ERBB4: variants seen among roughly 807,000 people sequenced by gnomAD.
The protein encoded by ERBB4 is erb-b2 receptor tyrosine kinase 4.
Under a neutral mutation model 158.0 loss-of-function variants are expected in ERBB4, and 42 were observed. The observed-to-expected ratio is 0.27, with a 90% CI of 0.21 to 0.34. ERBB4 has a LOEUF of 0.34. ERBB4 is among the 10% of genes least tolerant of loss of function. ERBB4 has a pLI of 1.00. For synonymous variants in ERBB4, 583 were observed against 558.7 expected, an observed-to-expected ratio of 1.04 and a Z score of -0.61; for missense variants, 1,333 against 1,624.1, an observed-to-expected ratio of 0.82 and a Z score of 3.08.
intron 3 of ERBB4, among the ~76,000 whole-genome samples, chr2:211,864,023 C>T (rs2078138763): frequency 6.6e-6 from 1 of 152,138 alleles, no homozygotes; most frequent in Non-Finnish European, 1.5e-5. Context: ...TCCAGTCCTG[C>T]TGGCAGTAGC....
At chr2:212,012,267 A>G (rs1288525206) in intron 2 of ERBB4, among the ~76,000 whole-genome samples, 1 of 152,152 alleles carries the variant, frequency 6.6e-6, no homozygotes, top group Non-Finnish European at 1.5e-5. Flanking sequence ...TCCCTCAAAC[A>G]TGGAATCAGC....
intron 1 of ERBB4, among the ~76,000 whole-genome samples, chr2:212,526,973 G>A (rs889217921): frequency 1.2e-4 from 19 of 152,088 alleles, no homozygotes; most frequent in African/African-American, 4.3e-4. Context: ...AACTTAGCCT[G>A]AGGGTAAAAG....
chr2:211,866,316 A>G (rs1417206825), intron 3 of ERBB4, among the ~76,000 whole-genome samples: 1 of 151,964 alleles, frequency 6.6e-6, no homozygotes, highest in Non-Finnish European at 1.5e-5. Flanking sequence ...CTCTGAACTT[A>G]TGTCCTATCA....
intron 26 of ERBB4, 147 bp downstream of exon 26, chr2:211,387,798 T>C: frequency 1.4e-6 from 1 of 720,292 alleles, no homozygotes; most frequent in Non-Finnish European, 2.6e-6. Context: ...AAAACACATC[T>C]ACAAAGGCAG....
intron 20 of ERBB4, among the ~76,000 whole-genome samples, chr2:211,502,422 T>C (rs1039458983): frequency 6.6e-6 from 1 of 152,184 alleles, no homozygotes; most frequent in African/African-American, 2.4e-5. Context: ...TATTGATTAC[T>C]CTTAACTTCA....
intron 2 of ERBB4, among the ~76,000 whole-genome samples, chr2:212,099,457 T>C (rs1370601511): frequency 6.6e-6 from 1 of 152,204 alleles, no homozygotes; most frequent in Non-Finnish European, 1.5e-5. Context: ...ACAGCTACAG[T>C]ACATTGTGAT....
intron 20 of ERBB4, among the ~76,000 whole-genome samples, chr2:211,473,217 A>C (rs2064873929): frequency 6.6e-6 from 1 of 152,010 alleles, no homozygotes; most frequent in African/African-American, 2.4e-5. Context: ...AGAGGCAAAG[A>C]TCAGATTAAT....
chr2:212,447,843 A>G (rs2092385773), intron 1 of ERBB4, among the ~76,000 whole-genome samples: 1 of 150,980 alleles, frequency 6.6e-6, no homozygotes, highest in Admixed American at 6.6e-5. Context: ...TTTCTTCAAC[A>G]TTGGTCTTCA....
intron 3 of ERBB4, among the ~76,000 whole-genome samples, chr2:211,930,020 A>G (rs1481421567): frequency 2.0e-5 from 3 of 152,170 alleles, no homozygotes; most frequent in Non-Finnish European, 4.4e-5. Context: ...GAAACTTTGA[A>G]ATAGGTATGA....
intron 3 of ERBB4, among the ~76,000 whole-genome samples, chr2:211,796,896 G>T (rs2076394275): frequency 6.6e-6 from 1 of 151,846 alleles, no homozygotes; most frequent in Non-Finnish European, 1.5e-5. Flanking sequence ...ATTGTTAAGA[G>T]ATCTGGTTCA....
intron 1 of ERBB4, among the ~76,000 whole-genome samples, chr2:212,420,242 A>C (rs560873760): frequency 1.1e-4 from 16 of 152,204 alleles, no homozygotes; most frequent in Non-Finnish European, 1.8e-4. Flanking sequence ...AAACTGTTCC[A>C]AGAAGTAAAT....
At chr2:212,150,711 G>A (rs533751615) in intron 1 of ERBB4, among the ~76,000 whole-genome samples, 22 of 152,208 alleles carry the variant, frequency 1.4e-4, no homozygotes, top group African/African-American at 4.8e-4. Context: ...CTTGTGCTTG[G>A]TTTGGCTGTG....
chr2:211,945,469 T>A (rs2080661961), intron 3 of ERBB4, among the ~76,000 whole-genome samples: 1 of 152,008 alleles, frequency 6.6e-6, no homozygotes, highest in African/African-American at 2.4e-5. Flanking sequence ...TCAAAAAAAT[T>A]AATAACTTTT....
rs1165469722 is a variant in ERBB4 at position 211,978,392 on chromosome 2, G to GTCTT, written c.235-30777_235-30776insAAGA. On this transcript the variant is annotated intron_variant, in intron 2 of 27. Transcript: ENST00000342788. ...TGTCTGTCTGTCTGTCTGTCTGTCT[G>GTCTT]TCTGTCTATCTATCTATCTATCTAT... Among the ~76,000 whole-genome samples the GTCTT allele has an allele frequency of 2.9e-3, 295 of 102,316 alleles. 4 individuals carry two copies. The highest frequency in any genetic ancestry group is 0.022 in the East Asian group (94 of 4,242). 67.1% of individuals were successfully genotyped at this position (102,316 alleles called of 152,430 possible). A position where few individuals can be genotyped will look rare whatever the true frequency, so the allele number is the denominator to read the frequency against.
intron 1 of ERBB4, among the ~76,000 whole-genome samples, chr2:212,253,483 GTTC>G (rs1483336307): frequency 4.6e-5 from 7 of 151,806 alleles, no homozygotes; most frequent in African/African-American, 1.5e-4. Context: ...ATCAAAACCA[GTTC>G]TTCTCAGAAT....
chr2:211,839,155 G>GAGA (rs2077410832), intron 3 of ERBB4, among the ~76,000 whole-genome samples: 1 of 11,768 alleles, frequency 8.5e-5, no homozygotes, highest in Non-Finnish European at 2.6e-4. Flanking sequence ...GAGAGAGAAG[G>GAGA]AGGAGGAGGA....
At chr2:212,344,491 T>C (rs2088884292) in intron 1 of ERBB4, among the ~76,000 whole-genome samples, 1 of 152,056 alleles carries the variant, frequency 6.6e-6, no homozygotes, top group South Asian at 2.1e-4. Flanking sequence ...TGTGTGTGTG[T>C]GTGTGTATAT....
intron 19 of ERBB4, among the ~76,000 whole-genome samples, chr2:211,616,289 C>A (rs945495867): frequency 6.6e-6 from 1 of 152,084 alleles, no homozygotes; most frequent in African/African-American, 2.4e-5. Flanking sequence ...CAGTCACTTA[C>A]AACGGCAGCT....
chr2:211,716,116 A>G (rs1263517240), intron 7 of ERBB4, among the ~76,000 whole-genome samples: 1 of 152,078 alleles, frequency 6.6e-6, no homozygotes, highest in African/African-American at 2.4e-5. Context: ...TAATCCCAGC[A>G]CTTTGGGAGG....
Sources: allele counts gnomAD v4.1 joint callset (sites outside exome capture counted in the v4.1 genomes callset), GRCh38; gene constraint gnomAD v4.1.1; transcripts MANE v1.5; gene names NCBI Gene and HGNC (gene_info 2026-07-23, HGNC 2026-07-21).